MSI2: variants seen among roughly 807,000 people sequenced by gnomAD.
The protein encoded by MSI2 is RNA-binding protein Musashi homolog 2.
Under a neutral mutation model 45.6 loss-of-function variants are expected in MSI2, and 17 were observed. That is an observed-to-expected ratio of 0.37 (90% CI 0.26 to 0.56). MSI2 has a LOEUF of 0.56. MSI2 is among the 20% of genes least tolerant of loss of function. MSI2 has a pLI of 0.77. For synonymous variants in MSI2, 156 were observed against 158.2 expected (o/e 0.99, Z 0.11); for missense variants, 293 against 444.2 (o/e 0.66, Z 3.06).
the MSI2 span, among the ~76,000 whole-genome samples, chr17:57,694,963 G>A: frequency 6.6e-6 from 1 of 152,214 alleles, no homozygotes; most frequent in Admixed American, 6.5e-5. Flanking sequence ...CTATAATTAT[G>A]TCAAATCAAA....
At chr17:57,621,711 T>C (rs1485481022) in intron 9 of MSI2, among the ~76,000 whole-genome samples, 1 of 152,266 alleles carries the variant, frequency 6.6e-6, no homozygotes, top group Non-Finnish European at 1.5e-5. Context: ...TTGATCTCTG[T>C]TGATATGGCT....
intron 10 of MSI2, among the ~76,000 whole-genome samples, chr17:57,636,356 TGCTGCA>T (rs2144638561): frequency 6.6e-6 from 1 of 152,290 alleles, no homozygotes; most frequent in East Asian, 1.9e-4. Flanking sequence ...CATTCAAAAA[TGCTGCA>T]GCTGCCATGC....
intron 6 of MSI2, among the ~76,000 whole-genome samples, chr17:57,409,712 A>G (rs1048692922): frequency 9.2e-5 from 14 of 152,140 alleles, no homozygotes; most frequent in African/African-American, 3.1e-4. Context: ...TGGGAGACAG[A>G]TGAAAGAGTG....
At chr17:57,424,965 T>C (rs2084464075) in intron 6 of MSI2, among the ~76,000 whole-genome samples, 1 of 152,104 alleles carries the variant, frequency 6.6e-6, no homozygotes, top group Non-Finnish European at 1.5e-5. Context: ...CAACTTCTGA[T>C]CCTCAGCGAG....
intron 6 of MSI2, among the ~76,000 whole-genome samples, chr17:57,436,945 G>A (rs145213873): frequency 9.9e-5 from 15 of 152,278 alleles, no homozygotes; most frequent in Non-Finnish European, 2.2e-4. Flanking sequence ...CAGCTGAGAA[G>A]TACTTGACAT....
chr17:57,354,083 CA>C (rs1436127238), intron 5 of MSI2, among the ~76,000 whole-genome samples: 1 of 152,112 alleles, frequency 6.6e-6, no homozygotes, highest in Non-Finnish European at 1.5e-5. Context: ...GATTTTGTTT[CA>C]GGGGGCATAA....
At chr17:57,314,397 T>G (rs1298871618) in intron 5 of MSI2, among the ~76,000 whole-genome samples, 3 of 151,894 alleles carry the variant, frequency 2.0e-5, no homozygotes, top group Non-Finnish European at 4.4e-5. Flanking sequence ...GGAAAGGGGT[T>G]TCCCGCCAAA....
At chr17:57,408,073 A>C (rs1474976092) in intron 6 of MSI2, among the ~76,000 whole-genome samples, 1 of 152,206 alleles carries the variant, frequency 6.6e-6, no homozygotes, top group Non-Finnish European at 1.5e-5. Context: ...CCTGCTAAAC[A>C]ACTTTGTGTT....
At position 57,596,994 on chromosome 17, in the gene MSI2, C is replaced by G. The variant is rs973562892; in HGVS notation, c.537+44C>G. 4 of 1,371,160 alleles carry G rather than the reference C, an allele frequency of 2.9e-6. No homozygotes were observed. The highest frequency in any genetic ancestry group is 2.9e-5 in the African/African-American group (2 of 69,990). The allele number at this position is 1,371,160 out of a possible 1,614,324, so 84.9% of individuals were successfully genotyped here. A position where few individuals can be genotyped will look rare whatever the true frequency, so the allele number is the denominator to read the frequency against. On this transcript the variant is annotated intron_variant, in intron 8 of 13. Transcript: ENST00000284073. This position sits in a 1 kb window ranked among gnomAD's most constrained non-coding sequence, Gnocchi z 4.6. Reference sequence around the variant, plus strand: ...CGCTGAAATGGAATGCCCCCTTTCTCTACGTACACACCCAGTCTTGCAGAC... The same window carrying G: ...CGCTGAAATGGAATGCCCCCTTTCTGTACGTACACACCCAGTCTTGCAGAC...
At chr17:57,540,582 A>G (rs1222263843) in intron 7 of MSI2, among the ~76,000 whole-genome samples, 1 of 152,332 alleles carries the variant, frequency 6.6e-6, no homozygotes, top group Admixed American at 6.5e-5. Context: ...TAGTGGAGTG[A>G]ACTGATCTCA....
intron 6 of MSI2, among the ~76,000 whole-genome samples, chr17:57,526,672 T>C (rs946368987): frequency 3.9e-5 from 6 of 152,106 alleles, no homozygotes; most frequent in South Asian, 4.1e-4. Context: ...ATTGATGGCT[T>C]CTCTGAATTA....
At chr17:57,511,397 C>T (rs1288231017) in intron 6 of MSI2, among the ~76,000 whole-genome samples, 1 of 152,192 alleles carries the variant, frequency 6.6e-6, no homozygotes, top group East Asian at 1.9e-4. Context: ...GCCACCCACC[C>T]CACACTTACC....
At chr17:57,490,848 A>T (rs1008283630) in intron 6 of MSI2, among the ~76,000 whole-genome samples, 5 of 152,076 alleles carry the variant, frequency 3.3e-5, no homozygotes, top group Admixed American at 3.3e-4. Context: ...TTCTAGGGGA[A>T]ATTTTGCATT....
Position 57,507,247 on chromosome 17 carries a change from G to A in MSI2, c.406-22429G>A, listed in dbSNP as rs947753063. On this transcript the variant is annotated intron_variant, in intron 6 of 13. Transcript: ENST00000284073. ...TCTCTGTGTGTGTGTGTGTGTGTGT[G>A]TGTGTGTGTGTGTGTGTGTGTGTGT... Among the ~76,000 whole-genome samples the A allele has an allele frequency of 3.6e-3, 527 of 148,320 alleles. 9 individuals carry two copies. The highest frequency in any genetic ancestry group is 8.7e-3 in the African/African-American group (350 of 40,020).
At chr17:57,689,448 T>C (rs1265887423), downstream of MSI2, among the ~76,000 whole-genome samples, 3 of 151,940 alleles carry the variant, frequency 2.0e-5, no homozygotes, top group Non-Finnish European at 4.4e-5. Flanking sequence ...GAGAACGTGG[T>C]TTCATGTAAG....
chr17:57,440,413 C>T (rs907911735), intron 6 of MSI2, among the ~76,000 whole-genome samples: 11 of 104,594 alleles, frequency 1.1e-4, no homozygotes, highest in East Asian at 6.9e-4. Flanking sequence ...GTTTGTTATC[C>T]GTGTGTGTGT....
intron 7 of MSI2, among the ~76,000 whole-genome samples, chr17:57,579,671 A>G (rs1044196621): frequency 2.0e-5 from 3 of 152,188 alleles, no homozygotes; most frequent in African/African-American, 7.2e-5. Flanking sequence ...CCCACATCCT[A>G]CAGGGCCAAA....
intron 5 of MSI2, among the ~76,000 whole-genome samples, chr17:57,318,536 T>C (rs1475396690): frequency 6.6e-6 from 1 of 151,762 alleles, no homozygotes; most frequent in East Asian, 1.9e-4. Context: ...GCCGGAGAAA[T>C]TGTGGGCTGT....
intron 8 of MSI2, among the ~76,000 whole-genome samples, chr17:57,604,555 C>G (rs1297008242): frequency 6.6e-6 from 1 of 152,086 alleles, no homozygotes; most frequent in Non-Finnish European, 1.5e-5. Flanking sequence ...ATGTGATTGT[C>G]TAGGTCCTGG....
Sources: gnomAD v4.1 joint callset for allele counts (sites outside exome capture counted in the v4.1 genomes callset) on GRCh38, gnomAD v4.1.1 for gene constraint, Gnocchi (gnomAD v3.1) non-coding constraint, MANE v1.5 for transcripts, NCBI Gene and HGNC (gene_info 2026-07-23, HGNC 2026-07-21) for gene names.